Variants in CORO1C observed in about 807,000 individuals in gnomAD.
The protein encoded by CORO1C is coronin-1C.
Under a neutral mutation model 51.2 loss-of-function variants are expected in CORO1C, and 14 were observed. The ratio of observed to expected loss-of-function variants is 0.27; its 90% CI spans 0.18 to 0.43. CORO1C has a LOEUF of 0.43. Ranked by LOEUF, CORO1C falls within the 20% of genes least tolerant of loss-of-function variation. CORO1C has a pLI of 1.00. For synonymous variants in CORO1C, 181 were observed against 210.5 expected, an observed-to-expected ratio of 0.86 and a Z score of 1.21; for missense variants, 417 against 607.8, an observed-to-expected ratio of 0.69 and a Z score of 3.30.
chr12:108,657,532 G>A (rs753187933), intron 5 of CORO1C, 109 bp from the exon 6 acceptor site: 11 of 1,169,460 alleles, frequency 9.4e-6, no homozygotes, highest in Non-Finnish European at 1.2e-5. Context: ...TGTTCACCTG[G>A]GTGTGGGAGG....
At chr12:108,726,408 C>T (rs2035593175) in intron 1 of CORO1C, among the ~76,000 whole-genome samples, 2 of 146,576 alleles carry the variant, frequency 1.4e-5, no homozygotes, top group African/African-American at 5.1e-5. Flanking sequence ...GCCTGGGCGA[C>T]AGAGTGAGAC....
At chr12:108,647,549 G>A (rs1467687618) in intron 10 of CORO1C, 27 bp from the exon 11 acceptor site, 2 of 1,550,946 alleles carry the variant, frequency 1.3e-6, no homozygotes, top group Non-Finnish European at 1.8e-6. Context: ...AGGAGGCAGT[G>A]ATTAAAATGC....
At chr12:108,715,295 C>A (rs1455259305) in intron 1 of CORO1C, among the ~76,000 whole-genome samples, 2 of 152,036 alleles carry the variant, frequency 1.3e-5, no homozygotes, top group Non-Finnish European at 2.9e-5. Flanking sequence ...TAAAGAGAGA[C>A]CCTTTTATGA....
chr12:108,717,473 C>T lies in CORO1C; in HGVS notation c.-6+13956G>A, dbSNP rs141143640. ...AATGAAGCTGGAGAATGGATCTGCA[C>T]GTGGGAGCATCTGAAAGGATTCAGG... On this transcript the variant is annotated intron_variant, in intron 1 of 10. Coordinates refer to ENST00000261401, the MANE Select transcript of CORO1C (RefSeq NM_014325.4). Among the ~76,000 whole-genome samples, 10 of 152,282 alleles carry T rather than the reference C, an allele frequency of 6.6e-5. No individual in the cohort carries two copies. The East Asian group carries it at 1.5e-3, about 24-fold the overall frequency.
intron 1 of CORO1C, among the ~76,000 whole-genome samples, chr12:108,722,408 G>A (rs1346288576): frequency 6.6e-6 from 1 of 152,186 alleles, no homozygotes; most frequent in African/African-American, 2.4e-5. Flanking sequence ...CAGACCTGGA[G>A]GGCTGCAGTG....
intron 7 of CORO1C, 53 bp downstream of exon 7, chr12:108,654,253 A>G (rs2032826202): frequency 8.7e-7 from 1 of 1,147,980 alleles, no homozygotes; most frequent in East Asian, 2.4e-5. Flanking sequence ...TCTCTGAAGG[A>G]TAAATGTTTC....
chr12:108,686,172 C>T (rs938027607), intron 2 of CORO1C, among the ~76,000 whole-genome samples: 2 of 152,316 alleles, frequency 1.3e-5, no homozygotes, highest in Admixed American at 1.3e-4. Context: ...AATTCTCATT[C>T]GTCTGCACGA....
intron 1 of CORO1C, among the ~76,000 whole-genome samples, chr12:108,728,121 G>A (rs1185759281): frequency 6.6e-6 from 1 of 152,176 alleles, no homozygotes; most frequent in Non-Finnish European, 1.5e-5. Context: ...AAATGGTGCA[G>A]CTGCTTTGGA....
In CORO1C at chr12:108,647,263, T is replaced by C; in HGVS notation, c.*140A>G. The stretch of plus-strand genomic sequence containing the variant: ...TGAGTTCTTACTGGAATGTGGCCTA[T>C]CGCTGGTTGACAAATCTGAAATGGA... On this transcript the variant is annotated 3_prime_UTR_variant, in exon 11 of 11. Coordinates refer to ENST00000261401, the MANE Select transcript of CORO1C (RefSeq NM_014325.4). The C allele has an allele frequency of 2.8e-6, 2 of 707,822 alleles. No homozygotes were observed. Among genetic ancestry groups the C allele is most frequent in the Non-Finnish European group, 4.5e-6 (2 of 444,898 alleles). 43.8% of individuals were successfully genotyped at this position (707,822 alleles called of 1,614,324 possible).
intron 1 of CORO1C, among the ~76,000 whole-genome samples, chr12:108,715,897 G>A (rs1381419840): frequency 6.6e-6 from 1 of 151,900 alleles, no homozygotes; most frequent in Admixed American, 6.6e-5. Context: ...ACTTTGGGAG[G>A]CCGAGGCGGG....
At chr12:108,654,893 A>C (rs1486531843) in intron 6 of CORO1C, among the ~76,000 whole-genome samples, 2 of 151,980 alleles carry the variant, frequency 1.3e-5, no homozygotes, top group Non-Finnish European at 2.9e-5. Flanking sequence ...TTTAGTAGAC[A>C]CAGAGTTTCA....
chr12:108,718,941 A>G (rs1237436496), intron 1 of CORO1C, among the ~76,000 whole-genome samples: 1 of 152,196 alleles, frequency 6.6e-6, no homozygotes, highest in Admixed American at 6.5e-5. Flanking sequence ...TTCACCAATA[A>G]AATGAAAATA....
At position 108,731,451 on chromosome 12, in the gene CORO1C, C is replaced by G. The variant is rs1186661054; in HGVS notation, c.-28G>C. 6.5e-6 allele frequency: 1 copy of G among 153,018 alleles called. No individual in the cohort carries two copies. Among genetic ancestry groups the G allele is most frequent in the East Asian group, 1.9e-4 (1 of 5,176 alleles). 9.5% of individuals were successfully genotyped at this position (153,018 alleles called of 1,614,324 possible). ...CACCCGGGCCGAGGTGCCTGAGGCGCCGCCGCCGAAGTCCCCGCTGCAAAG... is the reference window on the plus strand; with the variant it reads ...CACCCGGGCCGAGGTGCCTGAGGCGGCGCCGCCGAAGTCCCCGCTGCAAAG... On this transcript the variant is annotated 5_prime_UTR_variant, in exon 1 of 11. Transcript: ENST00000261401. The surrounding 1 kb of genome is among the most constrained non-coding windows in gnomAD (Gnocchi z 5.2).
intron 1 of CORO1C, chr12:108,702,645 T>A (rs2034909019): frequency 1.4e-6 from 1 of 724,684 alleles, no homozygotes; most frequent in Non-Finnish European, 2.0e-6. Flanking sequence ...CAGATCCTCA[T>A]ATACAGAGGA....
chr12:108,684,286 A>G lies in CORO1C; in HGVS notation c.196-5892T>C, dbSNP rs189808619. Among the ~76,000 whole-genome samples, 346 of 152,320 alleles carry G rather than the reference A, an allele frequency of 2.3e-3. 2 individuals carry two copies. Among genetic ancestry groups the G allele is most frequent in the African/African-American group, 7.7e-3 (322 of 41,568 alleles). ...AAAACTGGTGAAAATGTAAAAGTATAAATATAAGTGCTGACAAGGATGTCA... is the reference window on the plus strand; with the variant it reads ...AAAACTGGTGAAAATGTAAAAGTATGAATATAAGTGCTGACAAGGATGTCA... On this transcript the variant is annotated intron_variant, in intron 2 of 10. Transcript: ENST00000261401.
chr12:108,718,636 T>C (rs1254166574), intron 1 of CORO1C, among the ~76,000 whole-genome samples: 1 of 152,194 alleles, frequency 6.6e-6, no homozygotes, highest in Non-Finnish European at 1.5e-5. Flanking sequence ...TCAGACATCC[T>C]ATAGAAATAG....
intron 3 of CORO1C, among the ~76,000 whole-genome samples, chr12:108,664,114 A>G (rs1261876954): frequency 1.3e-5 from 2 of 152,236 alleles, no homozygotes; most frequent in Middle Eastern, 3.2e-3. Flanking sequence ...ATTTAAGTTT[A>G]TGAAAAAGCT....
intron 6 of CORO1C, among the ~76,000 whole-genome samples, chr12:108,654,677 C>T (rs1377553115): frequency 6.6e-6 from 1 of 151,828 alleles, no homozygotes; most frequent in African/African-American, 2.4e-5. Flanking sequence ...ATGAGAAAGC[C>T]CTTCTCCTTT....
At chr12:108,655,232 T>C (rs1393853174) in intron 6 of CORO1C, among the ~76,000 whole-genome samples, 5 of 152,200 alleles carry the variant, frequency 3.3e-5, no homozygotes, top group Admixed American at 6.5e-5. Context: ...ATGAACATTT[T>C]CCCAAGCATG....
Sources: allele counts gnomAD v4.1 joint callset (sites outside exome capture counted in the v4.1 genomes callset), GRCh38; gene constraint gnomAD v4.1.1; non-coding constraint Gnocchi (gnomAD v3.1); transcripts MANE v1.5; gene names NCBI Gene and HGNC (gene_info 2026-07-23, HGNC 2026-07-21).